Variants in ROBO2 observed in about 807,000 individuals in gnomAD.
ROBO2 encodes the protein roundabout homolog 2.
A neutral mutation model predicts 160.8 loss-of-function variants in ROBO2; 53 were observed. That is an observed-to-expected ratio of 0.33 (90% CI 0.26 to 0.41). The LOEUF (loss-of-function observed/expected upper bound fraction) is 0.41. Among genes scored for constraint, ROBO2 ranks in the 10% least tolerant of loss-of-function variants. The pLI is 1.00. For synonymous variants in ROBO2, 664 were observed against 611.7 expected (o/e 1.09, Z -1.26); for missense variants, 1,577 against 1,722.4 (o/e 0.92, Z 1.49).
chr3:76,338,656 A>G (rs1174532339), intron 2 of ROBO2, among the ~76,000 whole-genome samples: 1 of 151,704 alleles, frequency 6.6e-6, no homozygotes, highest in Non-Finnish European at 1.5e-5. Flanking sequence ...AGCCTGGGAG[A>G]GTGACAGAGC....
At chr3:76,757,529 T>C (rs552020870) in intron 2 of ROBO2, among the ~76,000 whole-genome samples, 1 of 151,906 alleles carries the variant, frequency 6.6e-6, no homozygotes, top group South Asian at 2.1e-4. Flanking sequence ...CTTGGACTTC[T>C]CAGAAATATC....
At chr3:76,603,955 T>C (rs1196537101) in intron 2 of ROBO2, among the ~76,000 whole-genome samples, 1 of 152,198 alleles carries the variant, frequency 6.6e-6, no homozygotes, top group African/African-American at 2.4e-5. Flanking sequence ...TAATTAACAG[T>C]TGTTTACAGA....
intron 2 of ROBO2, among the ~76,000 whole-genome samples, chr3:77,156,726 A>G (rs897438894): frequency 6.6e-6 from 1 of 150,378 alleles, no homozygotes; most frequent in African/African-American, 2.4e-5. Flanking sequence ...ACTTTTTAAT[A>G]TATTTATTAG....
At position 76,395,430 on chromosome 3, in the gene ROBO2, A is replaced by G. The variant is rs1041196743; in HGVS notation, c.109+457828A>G. On this transcript the variant is annotated intron_variant, in intron 2 of 26. Transcript: ENST00000487694. ...CAATTAAAAGAACTAGAAAAGCAAG[A>G]GCAAACATATTCAAAAGCTAGCAGA... Among the ~76,000 whole-genome samples the G allele has an allele frequency of 3.1e-4, 44 of 142,316 alleles. No individual in the cohort carries two copies. The East Asian group carries it at 7.5e-3, about 24-fold the overall frequency. The allele number at this position is 142,316 out of a possible 152,430, so 93.4% of individuals were successfully genotyped here. A position where few individuals can be genotyped will look rare whatever the true frequency, so the allele number is the denominator to read the frequency against.
chr3:77,175,662 G>T (rs1230946249), intron 2 of ROBO2, among the ~76,000 whole-genome samples: 29 of 151,880 alleles, frequency 1.9e-4, no homozygotes, highest in Admixed American at 1.9e-3. Context: ...TTGTGAGAAT[G>T]GTTTAGGTAG....
rs376100229 is a variant in ROBO2, at chr3:76,478,362, C to A, written c.109+540760C>A. On this transcript the variant is annotated intron_variant, in intron 2 of 26. Coordinates refer to the ROBO2 transcript ENST00000487694. The stretch of plus-strand genomic sequence containing the variant: ...GTCCCTACAAAGGACATGAACTCAT[C>A]ATTTTTTATGGCTGCATAGTATTCC... Among the ~76,000 whole-genome samples, 39 of 151,756 alleles carry A rather than the reference C, an allele frequency of 2.6e-4. 1 individual carries two copies. Among genetic ancestry groups the A allele is most frequent in the South Asian group, 2.1e-3 (10 of 4,808 alleles).
At chr3:76,033,329 C>G (rs978592430) in intron 2 of ROBO2, among the ~76,000 whole-genome samples, 3 of 151,992 alleles carry the variant, frequency 2.0e-5, no homozygotes, top group African/African-American at 7.2e-5. Flanking sequence ...TATCACCGAC[C>G]AGGATATGCT....
intron 1 of ROBO2, among the ~76,000 whole-genome samples, chr3:75,920,124 G>C (rs369883645): frequency 1.3e-5 from 2 of 151,996 alleles, no homozygotes; most frequent in African/African-American, 4.8e-5. Context: ...CGATGTTAGG[G>C]TGTCTATTTT....
chr3:77,571,463 G>A (rs1305778309), intron 13 of ROBO2, among the ~76,000 whole-genome samples: 1 of 152,008 alleles, frequency 6.6e-6, no homozygotes, highest in African/African-American at 2.4e-5. Context: ...TCACTTGATT[G>A]TTTCTGTGCC....
At chr3:77,149,547 A>T (rs1331443264) in intron 2 of ROBO2, among the ~76,000 whole-genome samples, 1 of 151,956 alleles carries the variant, frequency 6.6e-6, no homozygotes, top group Non-Finnish European at 1.5e-5. Flanking sequence ...TGGGATGTAC[A>T]TTCTCAGAGG....
intron 2 of ROBO2, among the ~76,000 whole-genome samples, chr3:76,696,164 C>A (rs1225072389): frequency 1.3e-5 from 2 of 152,078 alleles, no homozygotes; most frequent in Non-Finnish European, 2.9e-5. Flanking sequence ...AAAGTCGTAA[C>A]GAGTCTAGCC....
intron 2 of ROBO2, among the ~76,000 whole-genome samples, chr3:76,375,981 T>C (rs184173495): frequency 1.1e-4 from 16 of 152,072 alleles, no homozygotes; most frequent in Non-Finnish European, 1.9e-4. Flanking sequence ...TTCTGTTACT[T>C]TTCATATTGC....
chr3:76,271,547 T>G (rs1372058447), intron 2 of ROBO2, among the ~76,000 whole-genome samples: 1 of 150,500 alleles, frequency 6.6e-6, no homozygotes, highest in African/African-American at 2.4e-5. Context: ...CCTGTCACTC[T>G]GCAATCTTTT....
At chr3:77,477,303 C>T in intron 2 of ROBO2, 111 bp from the exon 3 acceptor site, 1 of 1,079,746 alleles carries the variant, frequency 9.3e-7, no homozygotes, top group South Asian at 1.3e-5. Flanking sequence ...CAGTAAAAAT[C>T]CAGGCAATTT....
At chr3:77,186,858 A>G (rs1357290655) in intron 2 of ROBO2, among the ~76,000 whole-genome samples, 1 of 151,960 alleles carries the variant, frequency 6.6e-6, no homozygotes, top group Non-Finnish European at 1.5e-5. Context: ...TGATTAGGCA[A>G]TATTATTTAT....
chr3:76,635,969 C>T (rs2090307709), intron 2 of ROBO2, among the ~76,000 whole-genome samples: 1 of 152,210 alleles, frequency 6.6e-6, no homozygotes, highest in Non-Finnish European at 1.5e-5. Context: ...TGACAACCAA[C>T]AGCAACTGTG....
intron 2 of ROBO2, among the ~76,000 whole-genome samples, chr3:76,068,561 G>A (rs1006193432): frequency 6.6e-6 from 1 of 151,990 alleles, no homozygotes. Context: ...CCTTTCTTCT[G>A]TATCATCAAT....
chr3:76,942,199 T>C (rs914859684), intron 2 of ROBO2, among the ~76,000 whole-genome samples: 3 of 152,314 alleles, frequency 2.0e-5, no homozygotes, highest in Non-Finnish European at 2.9e-5. Context: ...TTAAACTTCC[T>C]CCTGTTGAAA....
At chr3:77,099,964 ATTTT>A (rs1196841291) in intron 2 of ROBO2, among the ~76,000 whole-genome samples, 1 of 152,050 alleles carries the variant, frequency 6.6e-6, no homozygotes, top group Non-Finnish European at 1.5e-5. Context: ...AGAAATTTTA[ATTTT>A]TCATTTTTAA....
Sources: allele counts gnomAD v4.1 joint callset (sites outside exome capture counted in the v4.1 genomes callset), GRCh38; gene constraint gnomAD v4.1.1; transcripts MANE v1.5; gene names NCBI Gene and HGNC (gene_info 2026-07-23, HGNC 2026-07-21).